Variants in NR2F1-AS1 observed in about 807,000 individuals in gnomAD.
NR2F1-AS1 encodes the protein NR2F1 regulatory antisense RNA 1.
At chr5:93,450,557 G>A (rs868263539) in intron 4 of NR2F1-AS1, among the ~76,000 whole-genome samples, 52 of 152,148 alleles carry the variant, frequency 3.4e-4, no homozygotes, top group African/African-American at 1.2e-3. Context: ...TAGCTACAAT[G>A]TAACTAAAAG....
intron 1 of NR2F1-AS1, among the ~76,000 whole-genome samples, chr5:93,578,510 C>T (rs1311519754): frequency 6.6e-6 from 1 of 152,068 alleles, no homozygotes. Flanking sequence ...AAGGCCCTTA[C>T]AGTTCCCAGA....
intron 4 of NR2F1-AS1, among the ~76,000 whole-genome samples, chr5:93,514,653 G>C (rs954668774): frequency 2.0e-5 from 3 of 151,980 alleles, no homozygotes; most frequent in Non-Finnish European, 4.4e-5. Flanking sequence ...ATTTTAGTTG[G>C]AGCAATTCTT....
chr5:93,543,379 G>A (rs1384266712), intron 4 of NR2F1-AS1: 2 of 152,126 alleles, frequency 1.3e-5, no homozygotes, highest in South Asian at 2.1e-4. Flanking sequence ...ATATCTCCAG[G>A]GATAGGAAAC....
intron 4 of NR2F1-AS1, among the ~76,000 whole-genome samples, chr5:93,425,374 T>A (rs999593585): frequency 6.6e-6 from 1 of 152,184 alleles, no homozygotes; most frequent in Non-Finnish European, 1.5e-5. Context: ...GGGTTCCAAG[T>A]GCAGAAGCCC....
upstream of NR2F1-AS1, among the ~76,000 whole-genome samples, chr5:93,581,651 C>T (rs1753036538): frequency 7.8e-6 from 1 of 128,666 alleles, no homozygotes; most frequent in African/African-American, 2.9e-5. Context: ...CTTCAGGATT[C>T]AGGAATCGGG....
intron 2 of NR2F1-AS1, among the ~76,000 whole-genome samples, chr5:93,562,748 A>G (rs1224338440): frequency 2.0e-5 from 3 of 152,344 alleles, no homozygotes; most frequent in East Asian, 1.9e-4. Context: ...GCAAAAGACC[A>G]TATCAATTAT....
chr5:93,484,844 C>A (rs1750682406), intron 4 of NR2F1-AS1, among the ~76,000 whole-genome samples: 1 of 147,958 alleles, frequency 6.8e-6, no homozygotes. Flanking sequence ...TTTAAACCAA[C>A]AAAGATCAAA....
At chr5:93,569,547 T>C (rs760325889) in intron 1 of NR2F1-AS1, among the ~76,000 whole-genome samples, 2 of 152,158 alleles carry the variant, frequency 1.3e-5, no homozygotes, top group Non-Finnish European at 2.9e-5. Flanking sequence ...TGCTAATTGG[T>C]GAACCTAATT....
upstream of NR2F1-AS1, chr5:93,581,252 G>A (rs924888652): frequency 1.3e-5 from 2 of 152,496 alleles, no homozygotes; most frequent in Admixed American, 6.5e-5. Flanking sequence ...CGAGGGGCGG[G>A]CGGGCGAGCG....
intron 1 of NR2F1-AS1, among the ~76,000 whole-genome samples, chr5:93,573,067 T>A (rs1752812053): frequency 6.6e-6 from 1 of 152,152 alleles, no homozygotes; most frequent in Admixed American, 6.5e-5. Flanking sequence ...GCCATGCACG[T>A]CAAGGGGAAG....
chr5:93,568,556 A>G (rs2149925249), intron 1 of NR2F1-AS1, among the ~76,000 whole-genome samples: 1 of 152,376 alleles, frequency 6.6e-6, no homozygotes, highest in African/African-American at 2.4e-5. Context: ...ATTATAAACC[A>G]AAGAAAACTT....
chr5:93,574,395 A>G (rs138931048), intron 1 of NR2F1-AS1, among the ~76,000 whole-genome samples: 2,258 of 152,356 alleles, frequency 0.015, 28 homozygotes, highest in Non-Finnish European at 0.024. Flanking sequence ...TTAAAAAATT[A>G]GAAATTGTCA....
At chr5:93,471,815 G>A (rs568083580) in intron 4 of NR2F1-AS1, among the ~76,000 whole-genome samples, 3 of 151,716 alleles carry the variant, frequency 2.0e-5, no homozygotes, top group Admixed American at 6.6e-5. Flanking sequence ...AAGGTTCCCC[G>A]GTTAATAATT....
intron 4 of NR2F1-AS1, chr5:93,553,730 T>A (rs1480688045): frequency 6.6e-6 from 1 of 152,178 alleles, no homozygotes; most frequent in Non-Finnish European, 1.5e-5. Context: ...ATTAACATGA[T>A]CCTTCATGTA....
chr5:93,489,591 T>C (rs1161043910), intron 4 of NR2F1-AS1, among the ~76,000 whole-genome samples: 1 of 152,088 alleles, frequency 6.6e-6, no homozygotes, highest in Non-Finnish European at 1.5e-5. Context: ...TTTGAAGAGC[T>C]GACTAGAGAA....
intron 4 of NR2F1-AS1, among the ~76,000 whole-genome samples, chr5:93,438,031 G>A (rs575421588): frequency 1.3e-5 from 2 of 152,234 alleles, no homozygotes; most frequent in Admixed American, 6.5e-5. Context: ...TTCCTGACCA[G>A]CATAACAAAG....
chr5:93,467,008 C>G (rs1224055514), intron 4 of NR2F1-AS1, among the ~76,000 whole-genome samples: 1 of 144,824 alleles, frequency 6.9e-6, no homozygotes, highest in East Asian at 2.2e-4. Context: ...TCAAGAGATT[C>G]TCCTGCCTCA....
At chr5:93,502,564 GA>G (rs1751107382) in intron 4 of NR2F1-AS1, among the ~76,000 whole-genome samples, 1 of 151,892 alleles carries the variant, frequency 6.6e-6, no homozygotes, top group South Asian at 2.1e-4. Flanking sequence ...AAGTTAGAAT[GA>G]AATAACTGAG....
chr5:93,429,515 G>A (rs1749266498), intron 4 of NR2F1-AS1, among the ~76,000 whole-genome samples: 1 of 152,140 alleles, frequency 6.6e-6, no homozygotes, highest in South Asian at 2.1e-4. Flanking sequence ...AAATTTCAAG[G>A]GAGGAGGGAT....
Sources: allele counts gnomAD v4.1 joint callset (sites outside exome capture counted in the v4.1 genomes callset), GRCh38; gene constraint gnomAD v4.1.1; transcripts MANE v1.5; gene names NCBI Gene and HGNC (gene_info 2026-07-23, HGNC 2026-07-21).